Variants in TAGLN3 observed in about 807,000 individuals in gnomAD.
The protein encoded by TAGLN3 is transgelin 3, also known as transgelin-3.
In TAGLN3, 12 loss-of-function variants were observed where a neutral mutation model predicts 25.4. The observed-to-expected ratio is 0.47, with a 90% CI of 0.30 to 0.77. The LOEUF (loss-of-function observed/expected upper bound fraction) is 0.77. Ranked by LOEUF, TAGLN3 falls within the 30% of genes least tolerant of loss-of-function variation. The pLI is 0.06. For synonymous variants in TAGLN3, 96 were observed against 94.8 expected (o/e 1.01, Z -0.08); for missense variants, 218 against 255.8 (o/e 0.85, Z 1.01).
chr3:112,005,925 T>C (rs1483695005), intron 3 of TAGLN3, among the ~76,000 whole-genome samples: 1 of 146,338 alleles, frequency 6.8e-6, no homozygotes, highest in Non-Finnish European at 1.5e-5. Context: ...GATGGTCCAA[T>C]TTTTTTTTTA....
rs2073006162 is a variant in TAGLN3, at chr3:112,013,853, G to C, written c.*302G>C. 2.5e-6 allele frequency: 1 copy of C among 392,210 alleles called. No individual in the cohort carries two copies. The highest frequency in any genetic ancestry group is 4.8e-6 in the Non-Finnish European group (1 of 208,700). 24.3% of individuals were successfully genotyped at this position (392,210 alleles called of 1,614,324 possible). On this transcript the variant is annotated 3_prime_UTR_variant, in exon 5 of 5. Transcript: ENST00000478951. ...CAAAAATTCTCCTCTTCAACTTATA[G>C]AATGCACCTAATAAAGTAATTAGTC...
chr3:112,003,670 T>C (rs1049218119), intron 3 of TAGLN3, among the ~76,000 whole-genome samples: 4 of 152,202 alleles, frequency 2.6e-5, no homozygotes, highest in Non-Finnish European at 5.9e-5. Context: ...TAATTCTGGA[T>C]TCCCTGCACC....
At chr3:112,008,708 T>C (rs1031531886) in intron 3 of TAGLN3, among the ~76,000 whole-genome samples, 1 of 152,158 alleles carries the variant, frequency 6.6e-6, no homozygotes, top group South Asian at 2.1e-4. Flanking sequence ...CCAAGAGTGC[T>C]GGAATTAGGA....
In TAGLN3 at chr3:112,001,344, T is replaced by C. The variant is rs1330563028; in HGVS notation, c.355+398T>C. ...TATAGACAAAGCCATCTGGGGCTAT[T>C]TTGTCAATCTGAGAAATAGATAGCA... On this transcript the variant is annotated intron_variant, in intron 3 of 4. Transcript: ENST00000478951. 2.0e-5 allele frequency among the ~76,000 whole-genome samples: 3 copies of C among 152,204 alleles called. No individual in the cohort carries two copies. In the East Asian group the frequency reaches 5.8e-4, roughly 29 times the overall value.
intron 3 of TAGLN3, among the ~76,000 whole-genome samples, chr3:112,003,219 T>C (rs964560776): frequency 6.6e-6 from 1 of 152,058 alleles, no homozygotes; most frequent in Non-Finnish European, 1.5e-5. Context: ...GCTGACTCTA[T>C]GGAATGGCCA....
At chr3:112,012,370 G>T (rs1021113731) in intron 4 of TAGLN3, among the ~76,000 whole-genome samples, 1 of 151,588 alleles carries the variant, frequency 6.6e-6, no homozygotes, top group Non-Finnish European at 1.5e-5. Context: ...AACAGTCATG[G>T]TTAATATCTA....
chr3:111,999,572 C>T lies in TAGLN3; in HGVS notation c.150C>T (p.Ala50=), dbSNP rs2072831045. 1 of 1,614,126 alleles carries T rather than the reference C, an allele frequency of 6.2e-7. No homozygotes were observed. The highest frequency in any genetic ancestry group is 1.1e-5 in the South Asian group (1 of 91,058). The part of the protein sequence containing the change: ...EDIEHPPPGR[A]HFQKWLMDGT... ...TAGAGCACCCGCCCCCCGGCAGGGC[C>T]CATTTTCAGAAATGGTTAATGGACG... Residue 50 remains alanine, a synonymous_variant, in exon 2 of 5, where the codon GCC becomes GCT. Transcript: ENST00000478951.
chr3:112,011,033 A>G lies in TAGLN3; in HGVS notation c.356-730A>G, dbSNP rs1285360873. 3.9e-5 allele frequency among the ~76,000 whole-genome samples: 6 copies of G among 152,208 alleles called. No homozygotes were observed. The East Asian group carries it at 5.8e-4, about 15-fold the overall frequency. ...AGATGCTGCCTTCCCTTTTAACCCT[A>G]TGCTTTTTAGCTTTTGTATTCCACA... On this transcript the variant is annotated intron_variant, in intron 3 of 4. Coordinates refer to ENST00000478951, the MANE Select transcript of TAGLN3 (RefSeq NM_001008272.2).
chr3:112,009,360 G>A (rs2072951952), intron 3 of TAGLN3, among the ~76,000 whole-genome samples: 1 of 152,188 alleles, frequency 6.6e-6, no homozygotes, highest in Non-Finnish European at 1.5e-5. Flanking sequence ...TGAGGTTGGT[G>A]CCCTTGATTC....
At position 111,999,645 on chromosome 3, in the gene TAGLN3, G is replaced by A. The variant is rs905996552; in HGVS notation, c.180+43G>A. ...CTCGGTTGCTGGGGCGGTGGGCAGG[G>A]AAACCCTCCAGGGCCCTTTCTTTTA... On this transcript the variant is annotated intron_variant, in intron 2 of 4. Coordinates refer to ENST00000478951, the MANE Select transcript of TAGLN3 (RefSeq NM_001008272.2). 6 of 1,602,736 alleles carry A rather than the reference G, an allele frequency of 3.7e-6. No homozygotes were observed. In the East Asian group the frequency reaches 1.3e-4, roughly 36 times the overall value.
intron 3 of TAGLN3, among the ~76,000 whole-genome samples, chr3:112,002,221 A>T (rs1037926970): frequency 1.3e-5 from 2 of 152,236 alleles, no homozygotes; most frequent in African/African-American, 4.8e-5. Flanking sequence ...ATAGCTACAT[A>T]GCTACTGCTT....
chr3:112,000,618 C>G (rs1463508288), intron 2 of TAGLN3, 154 bp from the exon 3 acceptor site: 3 of 729,916 alleles, frequency 4.1e-6, no homozygotes, highest in South Asian at 3.9e-5. Context: ...AGGAGCCTGG[C>G]TACACAGCCC....
intron 4 of TAGLN3, among the ~76,000 whole-genome samples, chr3:112,012,511 G>C (rs72942117): frequency 0.3 from 44,885 of 151,356 alleles, 7,011 homozygotes; most frequent in East Asian, 0.45. Flanking sequence ...CAGGGGGTAG[G>C]GTAGGCAGGA....
intron 2 of TAGLN3, 27 bp downstream of exon 2, chr3:111,999,629 T>C: frequency 1.2e-6 from 2 of 1,607,260 alleles, no homozygotes; most frequent in Non-Finnish European, 8.5e-7. Context: ...TCTCGGTTGC[T>C]GGGGCGGTGG....
chr3:112,011,828 G>T lies in TAGLN3; in HGVS notation c.421G>T (p.Asp141Tyr). The change falls in exon 4 of 5, where the codon GAT becomes TAT. Residue 141 changes from aspartate (D) to tyrosine (Y), a missense_variant. By Grantham distance (160) the Asp-to-Tyr change is radical. Transcript: ENST00000478951. ...ALGSVAVTKD[D>Y]GCYRGEPSWF... is the part of the protein sequence containing the mutation. ...AGGCAGCGTTGCAGTCACCAAGGAT[G>T]ATGGCTGCTATCGGGGAGAGCCATC... is the stretch of plus-strand genomic sequence containing the variant. 1 of 1,614,050 alleles carries T rather than the reference G, an allele frequency of 6.2e-7. No individual in the cohort carries two copies. The highest frequency in any genetic ancestry group is 8.5e-7 in the Non-Finnish European group (1 of 1,179,940).
At position 112,013,427 on chromosome 3, in the gene TAGLN3, G is replaced by T; in HGVS notation, c.476G>T (p.Arg159Leu). 6.2e-7 allele frequency: 1 copy of T among 1,612,932 alleles called. No homozygotes were observed. Among genetic ancestry groups the T allele is most frequent in the Non-Finnish European group, 8.5e-7 (1 of 1,179,090 alleles). Residue 159 changes from arginine to leucine, a missense_variant, in exon 5 of 5, where the codon CGG (arginine) becomes CTG (leucine). Arg to Leu is a moderately radical substitution (Grantham distance 102). Coordinates refer to ENST00000478951, the MANE Select transcript of TAGLN3 (RefSeq NM_001008272.2). The part of the protein sequence containing the change: ...SWFHRKAQQN[R>L]RGFSEEQLRQ... ...TTGTCCAGGAAAGCCCAGCAGAATC[G>T]GAGAGGCTTTTCCGAGGAGCAGCTT...
At chr3:111,999,734 T>C (rs2072834518) in intron 2 of TAGLN3, 132 bp downstream of exon 2, 7 of 1,195,198 alleles carry the variant, frequency 5.9e-6, no homozygotes, top group African/African-American at 1.5e-5. Context: ...GGGATGAGAA[T>C]GCCTTTATTT....
intron 3 of TAGLN3, among the ~76,000 whole-genome samples, chr3:112,009,352 A>G (rs778062620): frequency 2.0e-5 from 3 of 152,152 alleles, no homozygotes; most frequent in Non-Finnish European, 4.4e-5. Flanking sequence ...ATGGGCATTG[A>G]GGTTGGTGCC....
Position 112,013,680 on chromosome 3 carries a change from T to C in TAGLN3, c.*129T>C, listed in dbSNP as rs1024623972. On this transcript the variant is annotated 3_prime_UTR_variant, in exon 5 of 5. Transcript: ENST00000478951. The stretch of plus-strand genomic sequence containing the variant: ...GCCTTCTGTCCCTGGTTTTTGCAAG[T>C]GCTGCATTTCCGCCGAGAATCCGCG... The C allele has an allele frequency of 9.1e-6, 13 of 1,427,744 alleles. No individual in the cohort carries two copies. Among genetic ancestry groups the C allele is most frequent in the African/African-American group, 2.8e-5 (2 of 70,612 alleles). 88.4% of individuals were successfully genotyped at this position (1,427,744 alleles called of 1,614,324 possible). A position where few individuals can be genotyped will look rare whatever the true frequency, so the allele number is the denominator to read the frequency against.
Sources: gnomAD v4.1 joint callset for allele counts (sites outside exome capture counted in the v4.1 genomes callset) on GRCh38, gnomAD v4.1.1 for gene constraint, MANE v1.5 for transcripts, NCBI Gene and HGNC (gene_info 2026-07-23, HGNC 2026-07-21) for gene names.